The following INSYN2A variants were observed in gnomAD, a reference collection of about 807,000 sequenced individuals.
The protein encoded by INSYN2A is family with sequence similarity 196 member A.
INSYN2A carries 17 observed loss-of-function variants against 39.4 expected under a neutral mutation model. That is an observed-to-expected ratio of 0.43 (90% CI 0.30 to 0.65). The LOEUF is 0.65. Among genes scored for constraint, INSYN2A ranks in the 30% least tolerant of loss-of-function variants. The pLI is 0.14. For missense variants in INSYN2A, 595 were observed against 631.2 expected (o/e 0.94, Z 0.61); for synonymous variants, 255 against 265.7 (o/e 0.96, Z 0.39).
chr10:127,137,675 A>C lies in INSYN2A; in HGVS notation c.*162T>G. The C allele has an allele frequency of 1.8e-6, 1 of 562,704 alleles. No homozygotes were observed. Among genetic ancestry groups the C allele is most frequent in the East Asian group, 2.7e-5 (1 of 36,428 alleles). The allele number at this position is 562,704 out of a possible 1,614,324, so 34.9% of individuals were successfully genotyped here. A position where few individuals can be genotyped will look rare whatever the true frequency, so the allele number is the denominator to read the frequency against. On this transcript the variant is annotated 3_prime_UTR_variant, in exon 6 of 6. Coordinates refer to ENST00000522781, the MANE Select transcript of INSYN2A (RefSeq NM_001039762.3). ...TGACACAGAATACCTTGCTTCTGTT[A>C]ATTATCTATTGGTACAAAGGCCTTT...
intron 5 of INSYN2A, among the ~76,000 whole-genome samples, chr10:127,153,042 T>A (rs1295502047): frequency 6.6e-6 from 1 of 152,228 alleles, no homozygotes; most frequent in Non-Finnish European, 1.5e-5. Flanking sequence ...GAATAACTTT[T>A]TAGAGGGTTT....
intron 4 of INSYN2A, among the ~76,000 whole-genome samples, chr10:127,160,414 G>T (rs1936661): frequency 0.31 from 47,456 of 152,030 alleles, 7,851 homozygotes; most frequent in African/African-American, 0.41. Flanking sequence ...TGTGTGCCTG[G>T]TCTGGTTGCA....
At chr10:127,190,993 G>A (rs2056716652) in intron 2 of INSYN2A, among the ~76,000 whole-genome samples, 2 of 152,032 alleles carry the variant, frequency 1.3e-5, no homozygotes, top group Non-Finnish European at 2.9e-5. Flanking sequence ...TTGCCCTGCT[G>A]GTTCCTCCTC....
chr10:127,156,671 C>T (rs536415158), intron 4 of INSYN2A, among the ~76,000 whole-genome samples: 6 of 148,036 alleles, frequency 4.1e-5, no homozygotes, highest in Non-Finnish European at 5.9e-5. Context: ...TGGGTTCAAG[C>T]GATTCTCCTG....
chr10:127,183,922 A>G (rs1211932091), intron 2 of INSYN2A, among the ~76,000 whole-genome samples: 1 of 152,156 alleles, frequency 6.6e-6, no homozygotes, highest in Non-Finnish European at 1.5e-5. Flanking sequence ...TTCTCTGTGC[A>G]TGATAATAAG....
intron 5 of INSYN2A, among the ~76,000 whole-genome samples, chr10:127,138,448 T>A (rs1592171117): frequency 6.6e-6 from 1 of 152,096 alleles, no homozygotes; most frequent in Non-Finnish European, 1.5e-5. Flanking sequence ...GTGCAATGTA[T>A]CACAAGATCA....
intron 1 of INSYN2A, among the ~76,000 whole-genome samples, chr10:127,195,518 A>T (rs1026303350): frequency 1.3e-5 from 2 of 148,888 alleles, no homozygotes; most frequent in Non-Finnish European, 3.0e-5. Flanking sequence ...CTCTGTTCCA[A>T]CTCATCCCCC....
intron 5 of INSYN2A, chr10:127,146,250 T>C (rs887803457): frequency 9.0e-6 from 2 of 223,284 alleles, no homozygotes; most frequent in African/African-American, 4.7e-5. Flanking sequence ...CTTTCTCTGC[T>C]AATAAATTTT....
chr10:127,178,638 T>A (rs2133937992), intron 2 of INSYN2A, among the ~76,000 whole-genome samples: 1 of 152,278 alleles, frequency 6.6e-6, no homozygotes, highest in Middle Eastern at 3.4e-3. Flanking sequence ...GCAAAGGAAG[T>A]CCTTGGTGCT....
chr10:127,167,703 C>T (rs2054204466), intron 4 of INSYN2A, among the ~76,000 whole-genome samples: 1 of 152,112 alleles, frequency 6.6e-6, no homozygotes, highest in Non-Finnish European at 1.5e-5. Context: ...TCCAGGTCTC[C>T]TGACGCTACA....
At chr10:127,189,508 A>G (rs561655069) in intron 2 of INSYN2A, among the ~76,000 whole-genome samples, 3 of 152,246 alleles carry the variant, frequency 2.0e-5, no homozygotes, top group Non-Finnish European at 4.4e-5. Context: ...AAGTAGATAT[A>G]TATTCAGAAT....
intron 5 of INSYN2A, among the ~76,000 whole-genome samples, chr10:127,143,031 C>T (rs1442235145): frequency 6.6e-6 from 1 of 152,160 alleles, no homozygotes; most frequent in African/African-American, 2.4e-5. Flanking sequence ...TCCCCGCTGC[C>T]GCATGTGATT....
Position 127,136,751 on chromosome 10 carries a change from T to TA in INSYN2A, c.*1085dup, listed in dbSNP as rs1487676208. Reference sequence around the variant, plus strand: ...AAGTATGTTGTTTAGTACAACTTACTAATAGGTTAAATGTAGGCGACATTG... The same window carrying TA: ...AAGTATGTTGTTTAGTACAACTTACTAAATAGGTTAAATGTAGGCGACATTG... On this transcript the variant is annotated 3_prime_UTR_variant, in exon 6 of 6. Transcript: ENST00000522781. The TA allele has an allele frequency of 4.6e-5, 7 of 152,664 alleles. No homozygotes were observed. Among genetic ancestry groups the TA allele is most frequent in the African/African-American group, 1.7e-4 (7 of 41,458 alleles). The allele number at this position is 152,664 out of a possible 1,614,324, so 9.5% of individuals were successfully genotyped here.
chr10:127,171,223 C>T (rs965009836), intron 4 of INSYN2A, among the ~76,000 whole-genome samples: 5 of 152,054 alleles, frequency 3.3e-5, no homozygotes, highest in East Asian at 1.9e-4. Flanking sequence ...GAGTCTCTTA[C>T]GAAAAATAAT....
At chr10:127,172,637 C>T (rs1407006679) in intron 4 of INSYN2A, among the ~76,000 whole-genome samples, 1 of 152,192 alleles carries the variant, frequency 6.6e-6, no homozygotes, top group Non-Finnish European at 1.5e-5. Flanking sequence ...TCTTTGCTAT[C>T]TGAGTCCAGA....
intron 4 of INSYN2A, among the ~76,000 whole-genome samples, chr10:127,163,461 G>A (rs2053772206): frequency 6.6e-6 from 1 of 152,150 alleles, no homozygotes; most frequent in Non-Finnish European, 1.5e-5. Context: ...CAAACTTTCA[G>A]TGCCCACCTC....
At chr10:127,179,435 A>C (rs1589803730) in intron 2 of INSYN2A, among the ~76,000 whole-genome samples, 2 of 152,350 alleles carry the variant, frequency 1.3e-5, no homozygotes, top group South Asian at 2.1e-4. Context: ...GACTTAAAAA[A>C]CAGTAATAGT....
At position 127,175,489 on chromosome 10, in the gene INSYN2A, T is replaced by G. The variant is rs765252753; in HGVS notation, c.907A>C (p.Thr303Pro). The G allele has an allele frequency of 6.2e-7, 1 of 1,608,878 alleles. No individual in the cohort carries two copies. Among genetic ancestry groups the G allele is most frequent in the Non-Finnish European group, 8.5e-7 (1 of 1,179,992 alleles). ...ATCGGGGGTGAGCAGGCCAGGGCAGTTTCCGAGGGCGCCTGGAGCCCGTTG... is the reference window on the plus strand; with the variant it reads ...ATCGGGGGTGAGCAGGCCAGGGCAGGTTCCGAGGGCGCCTGGAGCCCGTTG... Reference protein sequence around the residue: ...HLNGLQAPSETALACSPPMQC... With the variant: ...HLNGLQAPSEPALACSPPMQC... Residue 303 changes from threonine to proline, a missense_variant, in exon 4 of 6, where the codon ACT becomes CCT. Thr to Pro is a conservative substitution (Grantham distance 38). Transcript: ENST00000522781. The surrounding 1 kb of genome is among the most constrained non-coding windows in gnomAD (Gnocchi z 6.3).
chr10:127,137,879 A>G lies in INSYN2A; in HGVS notation c.1398T>C (p.Thr466=). 3.7e-6 allele frequency: 6 copies of G among 1,614,032 alleles called. No homozygotes were observed. The highest frequency in any genetic ancestry group is 5.1e-6 in the Non-Finnish European group (6 of 1,179,988). The change falls in exon 6 of 6, where the codon ACT becomes ACC. Residue 466 remains threonine (T), a synonymous_variant. Coordinates refer to ENST00000522781, the MANE Select transcript of INSYN2A (RefSeq NM_001039762.3). ...YSSTPKQKSK[T]ESKKHGRWKL... ...TCCATCTTCCGTGCTTTTTAGATTC[A>G]GTTTTGGATTTTTGCTTGGGAGTTG...
Sources: gnomAD v4.1 joint callset for allele counts (sites outside exome capture counted in the v4.1 genomes callset) on GRCh38, gnomAD v4.1.1 for gene constraint, Gnocchi (gnomAD v3.1) non-coding constraint, MANE v1.5 for transcripts, NCBI Gene and HGNC (gene_info 2026-07-23, HGNC 2026-07-21) for gene names.